The following MYLK3 variants were observed in gnomAD, a reference collection of about 807,000 sequenced individuals.
MYLK3 encodes the protein MLC kinase.
A neutral mutation model predicts 76.3 loss-of-function variants in MYLK3; 55 were observed. The observed-to-expected ratio is 0.72, with a 90% CI of 0.58 to 0.90. The LOEUF is 0.90. Ranked by LOEUF, MYLK3 falls within the 40% of genes least tolerant of loss-of-function variation. MYLK3 has a pLI of 0.00. For synonymous variants in MYLK3, 416 were observed against 425.4 expected (o/e 0.98, Z 0.27); for missense variants, 973 against 1,053.6 (o/e 0.92, Z 1.06).
At chr16:46,740,553 T>A (rs200693653) in intron 1 of MYLK3, among the ~76,000 whole-genome samples, 114 of 88,476 alleles carry the variant, frequency 1.3e-3, no homozygotes, top group Middle Eastern at 6.0e-3. Flanking sequence ...ATATATATAT[T>A]TTTTTTTTTT....
rs1336760816 is a variant in MYLK3 at position 46,737,729 on chromosome 16, C to T, written c.983G>A (p.Gly328Asp). The change falls in exon 3 of 13, where the codon GGT (glycine) becomes GAT (aspartate). Residue 328 changes from glycine to aspartate, a missense_variant. Coordinates refer to ENST00000394809, the MANE Select transcript of MYLK3 (RefSeq NM_182493.3). Reference sequence around the variant, plus strand: ...CCCTTACCTTGGAGGTGTTTCTCCACCACTGTGGGTTGCCCTGGCCTGGGC... The same window carrying T: ...CCCTTACCTTGGAGGTGTTTCTCCATCACTGTGGGTTGCCCTGGCCTGGGC... Reference protein sequence around the residue: ...LPAQARATHSGGETPPRISIH... With the variant: ...LPAQARATHSDGETPPRISIH... The T allele has an allele frequency of 3.7e-6, 6 of 1,602,242 alleles. No homozygotes were observed. Among genetic ancestry groups the T allele is most frequent in the Admixed American group, 3.3e-5 (2 of 59,750 alleles).
At chr16:46,730,428 G>A (rs1291527264) in intron 5 of MYLK3, among the ~76,000 whole-genome samples, 165 bp downstream of exon 5, 1 of 152,030 alleles carries the variant, frequency 6.6e-6, no homozygotes, top group Non-Finnish European at 1.5e-5. Flanking sequence ...CTACTCTGTG[G>A]GCCACCATGC....
intron 9 of MYLK3, among the ~76,000 whole-genome samples, chr16:46,717,030 T>C (rs1966747488): frequency 6.6e-6 from 1 of 152,168 alleles, no homozygotes; most frequent in Admixed American, 6.5e-5. Flanking sequence ...TTTCCTTGAG[T>C]TATTTGAGCC....
At chr16:46,711,825 A>T (rs1487981067) in intron 10 of MYLK3, 1 of 226,194 alleles carries the variant, frequency 4.4e-6, no homozygotes, top group East Asian at 1.5e-4. Flanking sequence ...TACCCCCTAG[A>T]TGAAATAACT....
At chr16:46,720,707 A>G (rs574691263) in intron 9 of MYLK3, among the ~76,000 whole-genome samples, 6 of 152,040 alleles carry the variant, frequency 3.9e-5, no homozygotes, top group Admixed American at 2.6e-4. Context: ...ACTGTCACAT[A>G]CTCACTTTTT....
At chr16:46,757,389 C>G (rs187217970) in intron 1 of MYLK3, 1 of 985,336 alleles carries the variant, frequency 1.0e-6, no homozygotes, top group South Asian at 4.7e-5. Context: ...CAGGCTCTTA[C>G]TTCAAAGCAC....
chr16:46,735,258 T>G (rs1007745830), intron 3 of MYLK3, among the ~76,000 whole-genome samples: 2 of 152,040 alleles, frequency 1.3e-5, no homozygotes, highest in Non-Finnish European at 2.9e-5. Flanking sequence ...TAGGCTGGAG[T>G]GCAATGGCAC....
At chr16:46,729,558 C>G (rs370418930) in intron 6 of MYLK3, 36 bp downstream of exon 6, 1 of 1,589,886 alleles carries the variant, frequency 6.3e-7, no homozygotes, top group African/African-American at 1.3e-5. Flanking sequence ...AATCCTGAGG[C>G]TGGCCACAGG....
chr16:46,729,119 G>T lies in MYLK3; in HGVS notation c.1677C>A (p.Asn559Lys). Residue 559 changes from asparagine (N) to lysine (K), a missense_variant, in exon 7 of 13, where the codon AAC becomes AAA. Coordinates refer to ENST00000394809, the MANE Select transcript of MYLK3 (RefSeq NM_182493.3). ...KSAKDREDVK[N>K]EINIMNQLSH... Reference sequence around the variant, plus strand: ...TGAGCTGGTTCATGATGTTGATCTCGTTCTTCACGTCCTCCTTGGGGGAAC... The same window carrying T: ...TGAGCTGGTTCATGATGTTGATCTCTTTCTTCACGTCCTCCTTGGGGGAAC... The T allele has an allele frequency of 6.2e-7, 1 of 1,614,012 alleles. No individual in the cohort carries two copies. Among genetic ancestry groups the T allele is most frequent in the Non-Finnish European group, 8.5e-7 (1 of 1,179,866 alleles).
intron 8 of MYLK3, 141 bp downstream of exon 8, chr16:46,727,095 G>T: frequency 1.1e-6 from 1 of 874,234 alleles, no homozygotes; most frequent in East Asian, 2.6e-5. Context: ...AGAGTGGCCT[G>T]TCCCAGACTC....
intron 1 of MYLK3, among the ~76,000 whole-genome samples, chr16:46,760,912 A>G (rs1033355014): frequency 3.3e-5 from 5 of 152,182 alleles, no homozygotes; most frequent in Admixed American, 6.5e-5. Flanking sequence ...GGGTAAGGGC[A>G]GAGGAGGGTT....
In MYLK3 at chr16:46,729,015, G is replaced by T; in HGVS notation, c.1772+9C>A. The T allele has an allele frequency of 1.9e-6, 3 of 1,610,430 alleles. No individual in the cohort carries two copies. Among genetic ancestry groups the T allele is most frequent in the Non-Finnish European group, 2.5e-6 (3 of 1,176,648 alleles). On this transcript the variant is annotated intron_variant, in intron 7 of 12. Coordinates refer to ENST00000394809, the MANE Select transcript of MYLK3 (RefSeq NM_182493.3). ...GAGCCGAGGCGGCCGCCCCGCCTCTGATACTCACTACTCCATGACAAGGGT... is the reference window on the plus strand; with the variant it reads ...GAGCCGAGGCGGCCGCCCCGCCTCTTATACTCACTACTCCATGACAAGGGT...
intron 1 of MYLK3, among the ~76,000 whole-genome samples, chr16:46,743,517 A>G (rs1966968416): frequency 6.6e-6 from 1 of 152,212 alleles, no homozygotes; most frequent in Non-Finnish European, 1.5e-5. Context: ...TGGGCCAATC[A>G]GCAGCCGACA....
In MYLK3 at chr16:46,710,700, G is replaced by A. The variant is rs201767714; in HGVS notation, c.2204C>T (p.Thr735Ile). 334 of 1,614,076 alleles carry A rather than the reference G, an allele frequency of 2.1e-4. No individual in the cohort carries two copies. The highest frequency in any genetic ancestry group is 3.3e-4 in the Middle Eastern group (2 of 6,062). ...VNCSWDFDAD[T>I]FEGLSEEAKD... ...GGCCTCCTCCGAGAGCCCTTCAAAGGTGTCAGCATCAAAATCCCAGCTACA... is the reference window on the plus strand; with the variant it reads ...GGCCTCCTCCGAGAGCCCTTCAAAGATGTCAGCATCAAAATCCCAGCTACA... Residue 735 changes from threonine (T) to isoleucine (I), a missense_variant, in exon 11 of 13, where the codon ACC (threonine) becomes ATC (isoleucine). Thr to Ile is a moderately conservative substitution (Grantham distance 89). Transcript: ENST00000394809.
intron 2 of MYLK3, 127 bp from the exon 3 acceptor site, chr16:46,738,270 C>T (rs868460820): frequency 1.5e-5 from 13 of 844,654 alleles, no homozygotes; most frequent in Middle Eastern, 5.6e-4. Flanking sequence ...TGGAAGCAAC[C>T]CAAATGAAAG....
chr16:46,759,889 T>C (rs749577727), intron 1 of MYLK3, among the ~76,000 whole-genome samples: 1 of 152,214 alleles, frequency 6.6e-6, no homozygotes, highest in East Asian at 1.9e-4. Context: ...CTCCTTGGCA[T>C]CCCAAAGTGC....
rs780679445 is a variant in MYLK3, at chr16:46,747,726, G to T, written c.468C>A (p.Ser156Arg). 1.9e-6 allele frequency: 3 copies of T among 1,613,314 alleles called. No individual in the cohort carries two copies. Among genetic ancestry groups the T allele is most frequent in the Non-Finnish European group, 2.5e-6 (3 of 1,179,706 alleles). Residue 156 changes from serine (S) to arginine (R), a missense_variant, in exon 1 of 13, where the codon AGC becomes AGA. Physicochemically the swap from Ser to Arg is moderately radical, Grantham distance 110. Transcript: ENST00000394809. Reference protein sequence around the residue: ...VPWRRGSPGDSPEENKERVEE... With the variant: ...VPWRRGSPGDRPEENKERVEE... Reference sequence around the variant, plus strand: ...GGAAGCAGGAACCAACCTCCTCAGGGCTGTCACCTGGGCTGCCTCTCCTCC... The same window carrying T: ...GGAAGCAGGAACCAACCTCCTCAGGTCTGTCACCTGGGCTGCCTCTCCTCC...
chr16:46,724,906 A>G (rs998823488), intron 8 of MYLK3, among the ~76,000 whole-genome samples: 1 of 152,112 alleles, frequency 6.6e-6, no homozygotes, highest in Non-Finnish European at 1.5e-5. Context: ...ACAATATTAA[A>G]TTTTCCAATC....
At position 46,716,918 on chromosome 16, in the gene MYLK3, C is replaced by A. The variant is rs1424874824; in HGVS notation, c.1986-4142G>T. On this transcript the variant is annotated intron_variant, in intron 9 of 12. Coordinates refer to ENST00000394809, the MANE Select transcript of MYLK3 (RefSeq NM_182493.3). ...GAGATTCCTGGAGAGAGGGGGCACC[C>A]AGGGAAGGCATGGAAGCTCCATGCC... Among the ~76,000 whole-genome samples, 3 of 152,184 alleles carry A rather than the reference C, an allele frequency of 2.0e-5. No individual in the cohort carries two copies. The East Asian group carries it at 5.8e-4, about 29-fold the overall frequency.
Sources: gnomAD v4.1 joint callset for allele counts (sites outside exome capture counted in the v4.1 genomes callset) on GRCh38, gnomAD v4.1.1 for gene constraint, MANE v1.5 for transcripts, NCBI Gene and HGNC (gene_info 2026-07-23, HGNC 2026-07-21) for gene names.